Variants in ENTPD5 observed in about 807,000 individuals in gnomAD.
ENTPD5 encodes the protein ectonucleoside triphosphate diphosphohydrolase 5 (inactive), also known as nucleoside diphosphate phosphatase ENTPD5.
A neutral mutation model predicts 60.2 loss-of-function variants in ENTPD5; 49 were observed. The observed-to-expected ratio is 0.81, with a 90% CI of 0.65 to 1.03. The LOEUF (loss-of-function observed/expected upper bound fraction) is 1.03. ENTPD5 is among the 50% of genes least tolerant of loss of function. The probability of loss-of-function intolerance (pLI) is 0.00; values close to 1 mark genes in which losing one functional copy is unlikely to be tolerated. For synonymous variants in ENTPD5, 187 were observed against 185.4 expected, an observed-to-expected ratio of 1.01 and a Z score of -0.07; for missense variants, 480 against 507.6, an observed-to-expected ratio of 0.95 and a Z score of 0.52.
At chr14:73,958,727 G>A (rs961800728), downstream of ENTPD5, 5 of 1,411,102 alleles carry the variant, frequency 3.5e-6, no homozygotes, top group Non-Finnish European at 4.6e-6. Context: ...ATATCAGGAG[G>A]GCCTGGCTGA....
At chr14:73,984,036 CT>C (rs1008165387) in intron 5 of ENTPD5, among the ~76,000 whole-genome samples, 3 of 149,526 alleles carry the variant, frequency 2.0e-5, no homozygotes, top group Non-Finnish European at 4.5e-5. Context: ...TTATCTTTTT[CT>C]TTTTTTTAAG....
rs1273262030 is a variant in ENTPD5, at chr14:73,965,444, T to C, written c.*1484A>G. 2.0e-5 allele frequency: 3 copies of C among 152,128 alleles called. No homozygotes were observed. Among genetic ancestry groups the C allele is most frequent in the Admixed American group, 6.6e-5 (1 of 15,266 alleles). The allele number at this position is 152,128 out of a possible 1,614,324, so 9.4% of individuals were successfully genotyped here. A position where few individuals can be genotyped will look rare whatever the true frequency, so the allele number is the denominator to read the frequency against. On this transcript the variant is annotated 3_prime_UTR_variant, in exon 16 of 16. Coordinates refer to ENST00000334696, the MANE Select transcript of ENTPD5 (RefSeq NM_001249.5). ...GGATGATTATGTTGAAAGTGCAAGATAAGGCCAGGCGCGGTGTCTCATGCC... is the reference window on the plus strand; with the variant it reads ...GGATGATTATGTTGAAAGTGCAAGACAAGGCCAGGCGCGGTGTCTCATGCC...
chr14:73,973,950 G>A lies in ENTPD5; in HGVS notation c.813C>T (p.Ala271=). Reference sequence around the variant, plus strand: ...CTGCTTCCAACCATCTCGGTAAACAGGCACTCCGGAAAGTGTGCCCATCAG... The same window carrying A: ...CTGCTTCCAACCATCTCGGTAAACAAGCACTCCGGAAAGTGTGCCCATCAG... ...EGTDGHTFRS[A]CLPRWLEAEW... Residue 271 remains alanine, a synonymous_variant, in exon 12 of 16, where the codon GCC becomes GCT. Coordinates refer to ENST00000334696, the MANE Select transcript of ENTPD5 (RefSeq NM_001249.5). 6.2e-7 allele frequency: 1 copy of A among 1,614,078 alleles called. No individual in the cohort carries two copies.
chr14:73,956,327 C>CAA (rs34194477), downstream of ENTPD5: 504 of 146,358 alleles, frequency 3.4e-3, no homozygotes, highest in South Asian at 9.7e-3. Context: ...GACTCCGTCT[C>CAA]AAAAAAAAAA....
At chr14:74,008,532 G>A (rs764124473) in intron 3 of ENTPD5, among the ~76,000 whole-genome samples, 28 of 151,356 alleles carry the variant, frequency 1.8e-4, no homozygotes, top group Non-Finnish European at 2.8e-4. Flanking sequence ...TAGCTAGGAC[G>A]ATGGGTGCCT....
At chr14:73,973,778 A>C in intron 12 of ENTPD5, 99 bp downstream of exon 12, 1 of 994,540 alleles carries the variant, frequency 1.0e-6, no homozygotes, top group Admixed American at 1.9e-5. Flanking sequence ...CCCTGCAACA[A>C]GATAAGCTTC....
chr14:73,983,794 G>A (rs1031724920), intron 5 of ENTPD5, among the ~76,000 whole-genome samples: 10 of 151,094 alleles, frequency 6.6e-5, no homozygotes, highest in Non-Finnish European at 8.8e-5. Context: ...AGGTTCAAGC[G>A]ATGCTTGTGC....
At chr14:73,992,018 T>A (rs1315173996) in intron 3 of ENTPD5, among the ~76,000 whole-genome samples, 1 of 151,040 alleles carries the variant, frequency 6.6e-6, no homozygotes. Context: ...AAAGTATATA[T>A]ATATATAAAA....
intron 5 of ENTPD5, chr14:73,986,171 A>G (rs866680681): frequency 6.6e-6 from 1 of 152,152 alleles, no homozygotes; most frequent in South Asian, 2.1e-4. Context: ...CATTTGGGTA[A>G]TGATTATTCT....
chr14:73,991,587 T>TA (rs71460938), intron 3 of ENTPD5, among the ~76,000 whole-genome samples: 5,920 of 60,552 alleles, frequency 0.098, 254 homozygotes, highest in South Asian at 0.28. Flanking sequence ...GAATCTGTCT[T>TA]AAAAAAAAAA....
chr14:73,983,000 T>C lies in ENTPD5; in HGVS notation c.441+18A>G, dbSNP rs1162349591. 6.2e-7 allele frequency: 1 copy of C among 1,609,838 alleles called. No homozygotes were observed. The highest frequency in any genetic ancestry group is 8.5e-7 in the Non-Finnish European group (1 of 1,177,356). On this transcript the variant is annotated intron_variant, in intron 6 of 15. Transcript: ENST00000334696. Reference sequence around the variant, plus strand: ...GGGAAAAGGGCAGAATGATCCAAGATGCAGTTTTAAAACTTACCTCAAAGA... The same window carrying C: ...GGGAAAAGGGCAGAATGATCCAAGACGCAGTTTTAAAACTTACCTCAAAGA...
chr14:74,002,435 T>C (rs1285193462), intron 3 of ENTPD5, among the ~76,000 whole-genome samples: 1 of 151,858 alleles, frequency 6.6e-6, no homozygotes, highest in Non-Finnish European at 1.5e-5. Context: ...CAAGAGCTTA[T>C]TTATTTATTT....
At chr14:73,962,411 A>G (rs946009892), downstream of ENTPD5, among the ~76,000 whole-genome samples, 3 of 152,130 alleles carry the variant, frequency 2.0e-5, no homozygotes, top group Non-Finnish European at 4.4e-5. Flanking sequence ...AAAATAGTGA[A>G]TAGGGAGTGT....
chr14:74,014,389 C>A (rs200182583), intron 2 of ENTPD5, among the ~76,000 whole-genome samples: 24 of 148,888 alleles, frequency 1.6e-4, no homozygotes, highest in South Asian at 6.6e-4. Flanking sequence ...CTCCCCCCCC[C>A]CACAAAAAAA....
At position 73,966,992 on chromosome 14, in the gene ENTPD5, A is replaced by C. The variant is rs45466097; in HGVS notation, c.1223T>G (p.Ile408Arg). ...GGCCCCCAAGGCCCAGCCCGTCTCT[A>C]TGTTGTTCACTTTCTTTGTGAGCTG... ...VLQLTKKVNN[I>R]ETGWALGATF... Residue 408 changes from isoleucine to arginine, a missense_variant, in exon 16 of 16, where the codon ATA becomes AGA. Coordinates refer to ENST00000334696, the MANE Select transcript of ENTPD5 (RefSeq NM_001249.5). The C allele has an allele frequency of 6.2e-7, 1 of 1,614,190 alleles. No individual in the cohort carries two copies. Among genetic ancestry groups the C allele is most frequent in the South Asian group, 1.1e-5 (1 of 91,084 alleles).
rs868816445 is a variant in ENTPD5, at chr14:73,965,457, G to C, written c.*1471C>G. 6.6e-6 allele frequency: 1 copy of C among 152,192 alleles called. No individual in the cohort carries two copies. The highest frequency in any genetic ancestry group is 2.1e-4 in the South Asian group (1 of 4,822). The allele number at this position is 152,192 out of a possible 1,614,324, so 9.4% of individuals were successfully genotyped here. ...GAAAGTGCAAGATAAGGCCAGGCGCGGTGTCTCATGCCTGTAATCCCAGCA... is the reference window on the plus strand; with the variant it reads ...GAAAGTGCAAGATAAGGCCAGGCGCCGTGTCTCATGCCTGTAATCCCAGCA... On this transcript the variant is annotated 3_prime_UTR_variant, in exon 16 of 16. Transcript: ENST00000334696.
At chr14:73,982,407 A>G (rs1264708687) in intron 6 of ENTPD5, among the ~76,000 whole-genome samples, 1 of 152,146 alleles carries the variant, frequency 6.6e-6, no homozygotes, top group Non-Finnish European at 1.5e-5. Flanking sequence ...ATGTAAGTTT[A>G]TCTTAATAAA....
chr14:74,016,138 C>A (rs2059010866), intron 1 of ENTPD5, among the ~76,000 whole-genome samples: 1 of 152,214 alleles, frequency 6.6e-6, no homozygotes, highest in Non-Finnish European at 1.5e-5. Flanking sequence ...ACTCTACTAT[C>A]TGTACTATCA....
At chr14:73,986,276 G>A (rs893891812) in intron 5 of ENTPD5, 1 of 152,638 alleles carries the variant, frequency 6.6e-6, no homozygotes, top group Admixed American at 6.5e-5. Flanking sequence ...AGACACATAG[G>A]ATGTAGTATG....
Sources: allele counts gnomAD v4.1 joint callset (sites outside exome capture counted in the v4.1 genomes callset), GRCh38; gene constraint gnomAD v4.1.1; transcripts MANE v1.5; gene names NCBI Gene and HGNC (gene_info 2026-07-23, HGNC 2026-07-21).